The following PTK2 variants were observed in gnomAD, a reference collection of about 807,000 sequenced individuals.
PTK2 encodes focal adhesion kinase 1.
A neutral mutation model predicts 150.1 loss-of-function variants in PTK2; 45 were observed. That is an observed-to-expected ratio of 0.30 (90% CI 0.24 to 0.38). PTK2 has a LOEUF of 0.38. Among genes scored for constraint, PTK2 ranks in the 10% least tolerant of loss-of-function variants. The probability of loss-of-function intolerance (pLI) is 1.00; values close to 1 mark genes in which losing one functional copy is unlikely to be tolerated. For synonymous variants in PTK2, 432 were observed against 449.2 expected (o/e 0.96, Z 0.48); for missense variants, 919 against 1,307.3 (o/e 0.70, Z 4.58).
chr8:140,911,420 G>T (rs923009830), intron 2 of PTK2, among the ~76,000 whole-genome samples: 1 of 151,812 alleles, frequency 6.6e-6, no homozygotes, highest in Non-Finnish European at 1.5e-5. Flanking sequence ...TAAGAAACTG[G>T]TTTAATGTTT....
At chr8:140,917,321 G>A (rs542086622) in intron 2 of PTK2, among the ~76,000 whole-genome samples, 7 of 150,634 alleles carry the variant, frequency 4.6e-5, no homozygotes, top group East Asian at 4.0e-4. Context: ...CAGCCTGGGC[G>A]ACAGAGCAAG....
intron 16 of PTK2, among the ~76,000 whole-genome samples, chr8:140,758,322 C>T (rs2100067102): frequency 6.6e-6 from 1 of 152,140 alleles, no homozygotes; most frequent in Non-Finnish European, 1.5e-5. Context: ...CTCCTGGGTT[C>T]GAGTGATCTT....
At chr8:140,880,493 C>A (rs373864502) in intron 3 of PTK2, among the ~76,000 whole-genome samples, 4 of 152,204 alleles carry the variant, frequency 2.6e-5, no homozygotes, top group East Asian at 1.9e-4. Context: ...CTGTCCTTTA[C>A]ACGAGGGTAT....
At chr8:140,968,645 G>A (rs1411233601) in intron 1 of PTK2, among the ~76,000 whole-genome samples, 4 of 152,176 alleles carry the variant, frequency 2.6e-5, no homozygotes, top group African/African-American at 9.7e-5. Context: ...AAATTATATT[G>A]TGTGAAAGGC....
intron 4 of PTK2, among the ~76,000 whole-genome samples, chr8:140,869,605 T>C (rs1430645511): frequency 6.6e-6 from 1 of 152,046 alleles, no homozygotes; most frequent in South Asian, 2.1e-4. Flanking sequence ...AAAAAATGAT[T>C]ATGACAAAAG....
chr8:140,719,476 T>A (rs1405797705), intron 22 of PTK2, among the ~76,000 whole-genome samples: 2 of 151,776 alleles, frequency 1.3e-5, no homozygotes, highest in African/African-American at 4.8e-5. Flanking sequence ...AGCAGAGGGG[T>A]CCTGAGAGGG....
At chr8:140,937,626 T>C (rs530068584) in intron 1 of PTK2, among the ~76,000 whole-genome samples, 1 of 150,926 alleles carries the variant, frequency 6.6e-6, no homozygotes, top group Non-Finnish European at 1.5e-5. Context: ...TGATTTAATC[T>C]AACAAAAATT....
At chr8:140,780,233 T>C (rs141088957) in intron 14 of PTK2, among the ~76,000 whole-genome samples, 1 of 152,252 alleles carries the variant, frequency 6.6e-6, no homozygotes, top group Non-Finnish European at 1.5e-5. Flanking sequence ...TGGCCTCTGA[T>C]GAAATCTAAG....
intron 23 of PTK2, among the ~76,000 whole-genome samples, chr8:140,711,078 C>A (rs1392188945): frequency 6.7e-6 from 1 of 150,084 alleles, no homozygotes; most frequent in Non-Finnish European, 1.5e-5. Context: ...GCTGGGATTA[C>A]AGGCATGTGC....
intron 20 of PTK2, 54 bp from the exon 24 acceptor site, chr8:140,739,161 A>G (rs2100054243): frequency 8.2e-7 from 1 of 1,213,248 alleles, no homozygotes; most frequent in Non-Finnish European, 1.1e-6. Flanking sequence ...TTAAGAATCT[A>G]ACAGAGCTAG....
At chr8:140,801,813 G>A (rs1385323729) in intron 11 of PTK2, among the ~76,000 whole-genome samples, 1 of 152,002 alleles carries the variant, frequency 6.6e-6, no homozygotes, top group Admixed American at 6.6e-5. Flanking sequence ...ACAACATTTT[G>A]GTCAATGATG....
chr8:140,975,993 C>T (rs955182028), intron 1 of PTK2, among the ~76,000 whole-genome samples: 4 of 152,202 alleles, frequency 2.6e-5, no homozygotes, highest in Non-Finnish European at 4.4e-5. Flanking sequence ...ACACTACTTA[C>T]GTCTGTTAAA....
In PTK2 at chr8:141,001,117, G is replaced by T; in HGVS notation, c.-122+8C>A. On this transcript the variant is annotated splice_region_variant and intron_variant, in intron 1 of 31. Transcript: ENST00000522684. ...ACCCGCGCCCCGCGCCCGGCGCCCC[G>T]CACTCACTCGGACCGCGGCTCGGCG... The T allele has an allele frequency of 6.6e-6, 1 of 151,630 alleles. No individual in the cohort carries two copies. Among genetic ancestry groups the T allele is most frequent in the Non-Finnish European group, 1.5e-5 (1 of 67,786 alleles). The allele number at this position is 151,630 out of a possible 1,614,324, so 9.4% of individuals were successfully genotyped here.
chr8:140,744,753 CA>C lies in PTK2; in HGVS notation c.1532del (p.Leu511CysfsTer3). 1.4e-6 allele frequency: 2 copies of C among 1,403,960 alleles called. No individual in the cohort carries two copies. Among genetic ancestry groups the C allele is most frequent in the Non-Finnish European group, 1.9e-6 (2 of 1,039,986 alleles). The allele number at this position is 1,403,960 out of a possible 1,614,324, so 87.0% of individuals were successfully genotyped here. A position where few individuals can be genotyped will look rare whatever the true frequency, so the allele number is the denominator to read the frequency against. ...GATCCAAACTGTATTTCCTTACTTG[CA>C]AAAATGACCTCAGCTTTTGGAACAA... On this transcript the variant is annotated frameshift_variant, in exon 19 of 32. Transcript: ENST00000522684. LOFTEE classifies it high-confidence loss of function.
chr8:140,848,593 G>A (rs138494255), intron 5 of PTK2, among the ~76,000 whole-genome samples: 1 of 152,022 alleles, frequency 6.6e-6, no homozygotes, highest in Admixed American at 6.6e-5. Flanking sequence ...CTGACCAACC[G>A]GAACTGAATT....
At chr8:140,941,852 C>T (rs561109231) in intron 1 of PTK2, among the ~76,000 whole-genome samples, 10 of 147,348 alleles carry the variant, frequency 6.8e-5, no homozygotes, top group Admixed American at 2.7e-4. Context: ...ACTACAGGCA[C>T]GCACCACCAC....
chr8:140,776,898 C>T (rs1336463982), intron 14 of PTK2, among the ~76,000 whole-genome samples: 2 of 152,114 alleles, frequency 1.3e-5, no homozygotes, highest in Non-Finnish European at 2.9e-5. Context: ...TCCTCAGGCG[C>T]GAAGTGCTGA....
chr8:140,906,745 G>C (rs1469924536), intron 2 of PTK2, among the ~76,000 whole-genome samples: 1 of 152,110 alleles, frequency 6.6e-6, no homozygotes, highest in Non-Finnish European at 1.5e-5. Context: ...GTATTTGATA[G>C]TACAGCAAGA....
intron 18 of PTK2, among the ~76,000 whole-genome samples, chr8:140,745,236 T>C (rs926129936): frequency 6.6e-6 from 1 of 152,228 alleles, no homozygotes; most frequent in Non-Finnish European, 1.5e-5. Flanking sequence ...TCCCCTCTTA[T>C]TTCCTTCCCC....
Sources: gnomAD v4.1 joint callset for allele counts (sites outside exome capture counted in the v4.1 genomes callset) on GRCh38, gnomAD v4.1.1 for gene constraint, MANE v1.5 for transcripts, NCBI Gene and HGNC (gene_info 2026-07-23, HGNC 2026-07-21) for gene names.